Variants in SYK observed in about 807,000 individuals in gnomAD.
The protein encoded by SYK is tyrosine-protein kinase SYK.
A neutral mutation model predicts 77.8 loss-of-function variants in SYK; 16 were observed. The ratio of observed to expected loss-of-function variants is 0.21; its 90% CI spans 0.14 to 0.31. SYK has a LOEUF of 0.31. Ranked by LOEUF, SYK falls within the 10% of genes least tolerant of loss-of-function variation. SYK has a pLI of 1.00. For synonymous variants in SYK, 312 were observed against 308.7 expected (o/e 1.01, Z -0.11); for missense variants, 529 against 814.4 (o/e 0.65, Z 4.26).
Position 90,877,558 on chromosome 9 carries a change from A to G in SYK, c.1182-13A>G. On this transcript the variant is annotated splice_polypyrimidine_tract_variant and intron_variant, in intron 9 of 13. Transcript: ENST00000375754. ...TTTGGAAAGTTTCTTGTGTGTTATG[A>G]TTTCTCTTGCAGAGTTGTGAAAACC... 1 of 1,613,966 alleles carries G rather than the reference A, an allele frequency of 6.2e-7. No homozygotes were observed. The highest frequency in any genetic ancestry group is 8.5e-7 in the Non-Finnish European group (1 of 1,179,948).
intron 11 of SYK, among the ~76,000 whole-genome samples, chr9:90,879,196 C>T (rs1227013438): frequency 5.3e-5 from 8 of 152,078 alleles, no homozygotes; most frequent in African/African-American, 4.8e-5. Context: ...GATCAGGAAT[C>T]GAGGTATTAA....
chr9:90,814,862 AC>A (rs1825233585), intron 1 of SYK, among the ~76,000 whole-genome samples: 5 of 10,602 alleles, frequency 4.7e-4, no homozygotes, highest in Admixed American at 1.7e-3. Context: ...ACACACACAC[AC>A]ACAAAATAAT....
intron 11 of SYK, among the ~76,000 whole-genome samples, chr9:90,886,425 C>A (rs1165890582): frequency 6.6e-6 from 1 of 152,224 alleles, no homozygotes; most frequent in Non-Finnish European, 1.5e-5. Flanking sequence ...CAAAAACAGG[C>A]TGGGCACGGT....
chr9:90,867,089 T>C, intron 6 of SYK, 42 bp from the exon 7 acceptor site: 1 of 1,610,056 alleles, frequency 6.2e-7, no homozygotes, highest in Non-Finnish European at 8.5e-7. Flanking sequence ...GTATTTGTTT[T>C]CTGAAACATT....
chr9:90,834,511 C>T (rs1175420711), intron 1 of SYK, among the ~76,000 whole-genome samples: 1 of 152,346 alleles, frequency 6.6e-6, no homozygotes, highest in South Asian at 2.1e-4. Flanking sequence ...GTTTCCTGCT[C>T]TCTGGCCCAG....
At chr9:90,883,939 T>C (rs1354143558) in intron 11 of SYK, among the ~76,000 whole-genome samples, 1 of 152,140 alleles carries the variant, frequency 6.6e-6, no homozygotes, top group African/African-American at 2.4e-5. Context: ...CTCAGCTCAC[T>C]GCTGTCACCA....
At chr9:90,855,456 A>G (rs1826991126) in intron 3 of SYK, among the ~76,000 whole-genome samples, 1 of 152,094 alleles carries the variant, frequency 6.6e-6, no homozygotes, top group Admixed American at 6.5e-5. Flanking sequence ...CGAGGGCTGT[A>G]TGGCTCTGAT....
chr9:90,884,354 C>CACATAG (rs1828333827), intron 11 of SYK, among the ~76,000 whole-genome samples: 3 of 118,158 alleles, frequency 2.5e-5, no homozygotes, highest in African/African-American at 1.0e-4. Context: ...CATACACATA[C>CACATAG]GTGTATACAT....
At chr9:90,817,837 C>T (rs1325327080) in intron 1 of SYK, among the ~76,000 whole-genome samples, 1 of 126,430 alleles carries the variant, frequency 7.9e-6, no homozygotes, top group Non-Finnish European at 1.7e-5. Flanking sequence ...CCTCCCTTCT[C>T]AATAATGTTG....
chr9:90,838,526 T>A (rs1355046433), intron 1 of SYK, among the ~76,000 whole-genome samples: 1 of 152,156 alleles, frequency 6.6e-6, no homozygotes, highest in Admixed American at 6.5e-5. Flanking sequence ...GAGCAAGGGA[T>A]TTGCAGTGTT....
At chr9:90,884,478 TACAC>T (rs149544344) in intron 11 of SYK, among the ~76,000 whole-genome samples, 418 of 12,976 alleles carry the variant, frequency 0.032, 184 homozygotes, top group East Asian at 0.22. Context: ...TACATATACA[TACAC>T]ACACATACAC....
At chr9:90,853,917 G>T (rs1197995727) in intron 3 of SYK, among the ~76,000 whole-genome samples, 1 of 152,126 alleles carries the variant, frequency 6.6e-6, no homozygotes, top group African/African-American at 2.4e-5. Flanking sequence ...AGAGAGCAGG[G>T]CAGCAAGAGA....
chr9:90,856,386 G>A (rs56661485), intron 3 of SYK, among the ~76,000 whole-genome samples: 23,487 of 152,046 alleles, frequency 0.15, 1,993 homozygotes, highest in African/African-American at 0.22. Context: ...TTCCTTCAGA[G>A]ACTCCTATTA....
chr9:90,829,683 A>C (rs769991304), intron 1 of SYK, among the ~76,000 whole-genome samples: 1 of 152,276 alleles, frequency 6.6e-6, no homozygotes, highest in African/African-American at 2.4e-5. Flanking sequence ...GGTGCCTGAC[A>C]TAATGACTTG....
At chr9:90,884,482 C>CAT (rs1564121271) in intron 11 of SYK, among the ~76,000 whole-genome samples, 435 of 6,692 alleles carry the variant, frequency 0.065, 185 homozygotes, top group African/African-American at 0.57. Context: ...TATACATACA[C>CAT]ACACATACAC....
chr9:90,844,140 C>G lies in SYK; in HGVS notation c.242C>G (p.Thr81Ser). Residue 81 changes from threonine (T) to serine (S), a missense_variant, in exon 2 of 14, where the codon ACC becomes AGC. Physicochemically the swap from Thr to Ser is moderately conservative, Grantham distance 58. Coordinates refer to ENST00000375754, the MANE Select transcript of SYK (RefSeq NM_003177.7). Reference protein sequence around the residue: ...NGTYAIAGGRTHASPADLCHY... With the variant: ...NGTYAIAGGRSHASPADLCHY... ...ACCTACGCCATCGCCGGTGGCAGGA[C>G]CCATGCCAGCCCCGCCGACCTCTGC... 11 of 1,614,056 alleles carry G rather than the reference C, an allele frequency of 6.8e-6. No homozygotes were observed. Among genetic ancestry groups the G allele is most frequent in the Non-Finnish European group, 9.3e-6 (11 of 1,179,950 alleles).
At position 90,896,663 on chromosome 9, in the gene SYK, C is replaced by G. The variant is rs200418572; in HGVS notation, c.*1063C>G. On this transcript the variant is annotated 3_prime_UTR_variant, in exon 14 of 14. Transcript: ENST00000375754. ...TGAATTTGAGTTGAAGATACAAGAT[C>G]GGAGAATGATTTTCTGGTCTTAACT... 8.6e-6 allele frequency: 2 copies of G among 232,374 alleles called. No homozygotes were observed. The highest frequency in any genetic ancestry group is 1.7e-5 in the Non-Finnish European group (2 of 117,568). 14.4% of individuals were successfully genotyped at this position (232,374 alleles called of 1,614,324 possible).
chr9:90,868,516 TAAC>T (rs1286066159), intron 7 of SYK, among the ~76,000 whole-genome samples: 2 of 152,156 alleles, frequency 1.3e-5, no homozygotes, highest in Admixed American at 1.3e-4. Flanking sequence ...TAAAAATAAT[TAAC>T]AAAAATATTA....
intron 1 of SYK, among the ~76,000 whole-genome samples, chr9:90,836,153 G>T (rs1826075702): frequency 6.6e-6 from 1 of 152,056 alleles, no homozygotes; most frequent in Non-Finnish European, 1.5e-5. Context: ...CAGGCGTGGT[G>T]GTGGGCACCT....
Sources: allele counts gnomAD v4.1 joint callset (sites outside exome capture counted in the v4.1 genomes callset), GRCh38; gene constraint gnomAD v4.1.1; transcripts MANE v1.5; gene names NCBI Gene and HGNC (gene_info 2026-07-23, HGNC 2026-07-21).